DLGAP1: variants seen among roughly 807,000 people sequenced by gnomAD.
DLGAP1 encodes DLG associated protein 1, also known as disks large-associated protein 1.
DLGAP1 carries 11 observed loss-of-function variants against 90.8 expected under a neutral mutation model. The observed-to-expected ratio is 0.12, with a 90% CI of 0.08 to 0.20. The LOEUF is 0.20. Among genes scored for constraint, DLGAP1 ranks in the 10% least tolerant of loss-of-function variants. The probability of loss-of-function intolerance (pLI) is 1.00; values close to 1 mark genes in which losing one functional copy is unlikely to be tolerated. For missense variants in DLGAP1, 1,050 were observed against 1,333.8 expected (o/e 0.79, Z 3.31); for synonymous variants, 558 against 540.7 (o/e 1.03, Z -0.44).
At chr18:4,225,154 G>C (rs1334046462) in intron 1 of DLGAP1, among the ~76,000 whole-genome samples, 2 of 152,124 alleles carry the variant, frequency 1.3e-5, no homozygotes, top group Admixed American at 1.3e-4. Flanking sequence ...ACCAGCTCTA[G>C]CCAGAGGGGA....
intron 4 of DLGAP1, among the ~76,000 whole-genome samples, chr18:3,869,897 T>C (rs2070638438): frequency 1.3e-5 from 2 of 152,222 alleles, no homozygotes; most frequent in South Asian, 4.1e-4. Flanking sequence ...GAAGTTAAAT[T>C]TGTTTCTAAG....
intron 4 of DLGAP1, among the ~76,000 whole-genome samples, chr18:3,826,073 G>A (rs776427097): frequency 2.6e-5 from 4 of 152,132 alleles, no homozygotes; most frequent in East Asian, 1.9e-4. Flanking sequence ...GGAGCTAAAC[G>A]ATGACTACAC....
intron 2 of DLGAP1, among the ~76,000 whole-genome samples, chr18:4,012,195 G>A (rs2074436840): frequency 6.6e-6 from 1 of 152,156 alleles, no homozygotes; most frequent in African/African-American, 2.4e-5. Flanking sequence ...GGGAGTGAAT[G>A]TTCTGAAATT....
intron 5 of DLGAP1, among the ~76,000 whole-genome samples, chr18:3,758,802 G>A (rs1376418662): frequency 1.3e-5 from 2 of 152,126 alleles, no homozygotes; most frequent in African/African-American, 4.8e-5. Context: ...GCAGATGCCC[G>A]ACTTTCTTCC....
chr18:4,308,173 T>C (rs574243780), intron 1 of DLGAP1, among the ~76,000 whole-genome samples: 2 of 152,318 alleles, frequency 1.3e-5, no homozygotes, highest in South Asian at 2.1e-4. Flanking sequence ...AGACTGCTTG[T>C]CTGATAATTG....
At chr18:3,861,293 C>A (rs1568251988) in intron 4 of DLGAP1, among the ~76,000 whole-genome samples, 2 of 152,128 alleles carry the variant, frequency 1.3e-5, no homozygotes, top group South Asian at 2.1e-4. Flanking sequence ...ACTTTATATT[C>A]CTCAAATTAT....
intron 2 of DLGAP1, among the ~76,000 whole-genome samples, chr18:4,011,175 CAAAAA>C (rs35493947): frequency 3.1e-5 from 3 of 97,230 alleles, no homozygotes; most frequent in African/African-American, 1.1e-4. Flanking sequence ...GATTCCGCCT[CAAAAA>C]AAAAAAAAAA....
At chr18:3,621,021 G>A (rs1039844471) in intron 7 of DLGAP1, among the ~76,000 whole-genome samples, 31 of 152,302 alleles carry the variant, frequency 2.0e-4, no homozygotes, top group African/African-American at 7.2e-4. Context: ...GGACTACTGG[G>A]TCAGAAACTC....
chr18:3,499,032 G>T lies in DLGAP1; in HGVS notation c.*153C>A. The T allele has an allele frequency of 3.1e-6, 2 of 652,380 alleles. No individual in the cohort carries two copies. The highest frequency in any genetic ancestry group is 2.1e-5 in the South Asian group (1 of 47,358). 40.4% of individuals were successfully genotyped at this position (652,380 alleles called of 1,614,324 possible). Reference sequence around the variant, plus strand: ...GTGGGGGGCTGAGGGGGGCCCGGGGGGCGGCTCCTGCGAGGTGGACAACTA... The same window carrying T: ...GTGGGGGGCTGAGGGGGGCCCGGGGTGCGGCTCCTGCGAGGTGGACAACTA... On this transcript the variant is annotated 3_prime_UTR_variant, in exon 13 of 13. Coordinates refer to ENST00000315677, the MANE Select transcript of DLGAP1 (RefSeq NM_004746.4). This position sits in a 1 kb window ranked among gnomAD's most constrained non-coding sequence, Gnocchi z 6.4.
intron 2 of DLGAP1, among the ~76,000 whole-genome samples, chr18:4,071,233 T>G (rs1334552640): frequency 2.1e-5 from 1 of 48,482 alleles, no homozygotes; most frequent in Non-Finnish European, 5.0e-5. Flanking sequence ...TATATAAAGA[T>G]ATACATGTGT....
At chr18:4,091,577 T>C (rs114425241) in intron 2 of DLGAP1, among the ~76,000 whole-genome samples, 2,029 of 152,340 alleles carry the variant, frequency 0.013, 42 homozygotes, top group African/African-American at 0.044. Flanking sequence ...TTTTTTACTC[T>C]TTTCTTTCAG....
intron 7 of DLGAP1, among the ~76,000 whole-genome samples, chr18:3,696,545 G>C (rs1374213099): frequency 6.6e-6 from 1 of 152,208 alleles, no homozygotes; most frequent in Non-Finnish European, 1.5e-5. Flanking sequence ...CAGGGATGAA[G>C]CCTACTTGAT....
chr18:4,073,161 G>C (rs2075474434), intron 2 of DLGAP1, among the ~76,000 whole-genome samples: 2 of 152,166 alleles, frequency 1.3e-5, no homozygotes, highest in East Asian at 3.9e-4. Context: ...AGAAAAACGG[G>C]ATGACATCAG....
intron 2 of DLGAP1, among the ~76,000 whole-genome samples, chr18:4,024,564 A>G (rs754347473): frequency 1.3e-5 from 2 of 152,180 alleles, no homozygotes; most frequent in Non-Finnish European, 2.9e-5. Flanking sequence ...CGTGCTCACA[A>G]GCTGGCATTA....
At chr18:3,636,169 C>T (rs1233296327) in intron 7 of DLGAP1, among the ~76,000 whole-genome samples, 1 of 151,026 alleles carries the variant, frequency 6.6e-6, no homozygotes, top group Non-Finnish European at 1.5e-5. Flanking sequence ...CTTTCTTTAC[C>T]TGGCCAACTC....
At chr18:3,802,199 G>A (rs559364365) in intron 5 of DLGAP1, among the ~76,000 whole-genome samples, 118 of 151,558 alleles carry the variant, frequency 7.8e-4, no homozygotes, top group Admixed American at 3.3e-3. Flanking sequence ...TGGCCAGGCT[G>A]GTCTTGAACT....
chr18:4,406,773 G>A (rs577828224), intron 1 of DLGAP1, among the ~76,000 whole-genome samples: 2 of 152,294 alleles, frequency 1.3e-5, no homozygotes, highest in African/African-American at 4.8e-5. Context: ...GAGAGAAAGA[G>A]GGACTAATTG....
At chr18:3,820,509 C>T (rs1402788514) in intron 4 of DLGAP1, among the ~76,000 whole-genome samples, 2 of 152,198 alleles carry the variant, frequency 1.3e-5, no homozygotes, top group Admixed American at 1.3e-4. Context: ...CTTCTATTTG[C>T]ACAGTTACCC....
chr18:4,389,011 T>A (rs1342721287), intron 1 of DLGAP1, among the ~76,000 whole-genome samples: 1 of 152,118 alleles, frequency 6.6e-6, no homozygotes, highest in African/African-American at 2.4e-5. Flanking sequence ...CTTCTGGGTA[T>A]ATGGCCAAAA....
Sources: gnomAD v4.1 joint callset for allele counts (sites outside exome capture counted in the v4.1 genomes callset) on GRCh38, gnomAD v4.1.1 for gene constraint, Gnocchi (gnomAD v3.1) non-coding constraint, MANE v1.5 for transcripts, NCBI Gene and HGNC (gene_info 2026-07-23, HGNC 2026-07-21) for gene names.